EPHA6: variants seen among roughly 807,000 people sequenced by gnomAD.
The protein encoded by EPHA6 is EPH receptor A6.
Under a neutral mutation model 112.0 loss-of-function variants are expected in EPHA6, and 50 were observed. The ratio of observed to expected loss-of-function variants is 0.45; its 90% CI spans 0.36 to 0.56. The LOEUF is 0.56. EPHA6 is among the 20% of genes least tolerant of loss of function. The probability of loss-of-function intolerance (pLI) is 0.00; values close to 1 mark genes in which losing one functional copy is unlikely to be tolerated. For missense variants in EPHA6, 1,280 were observed against 1,417.4 expected, an observed-to-expected ratio of 0.90 and a Z score of 1.56; for synonymous variants, 529 against 490.7, an observed-to-expected ratio of 1.08 and a Z score of -1.03.
intron 7 of EPHA6, among the ~76,000 whole-genome samples, chr3:97,470,877 A>T (rs999671214): frequency 6.6e-6 from 1 of 151,718 alleles, no homozygotes; most frequent in Non-Finnish European, 1.5e-5. Flanking sequence ...TAAACAAAGG[A>T]TCATTTCCAA....
At chr3:97,341,927 G>T (rs1299703446) in intron 5 of EPHA6, among the ~76,000 whole-genome samples, 1 of 152,150 alleles carries the variant, frequency 6.6e-6, no homozygotes, top group East Asian at 1.9e-4. Flanking sequence ...AAAGACAATT[G>T]TGAAGAATGA....
chr3:97,212,453 A>G lies in EPHA6; in HGVS notation c.1115-13811A>G, dbSNP rs112497344. Among the ~76,000 whole-genome samples, 583 of 152,318 alleles carry G rather than the reference A, an allele frequency of 3.8e-3. 4 individuals are homozygous for G. The highest frequency in any genetic ancestry group is 0.013 in the African/African-American group (531 of 41,586). ...ACCAGATTATATTCAAAATGGTAAT[A>G]AAAATTTAGCCTAATCCTAAAAACT... On this transcript the variant is annotated intron_variant, in intron 3 of 17. Coordinates refer to ENST00000389672, the MANE Select transcript of EPHA6 (RefSeq NM_001080448.3).
intron 9 of EPHA6, among the ~76,000 whole-genome samples, chr3:97,480,967 G>C (rs1385469977): frequency 1.3e-5 from 2 of 152,012 alleles, no homozygotes; most frequent in Non-Finnish European, 2.9e-5. Flanking sequence ...TGGCGGCCGG[G>C]AAGAGGCGCT....
rs149911407 is a variant in EPHA6 at position 97,589,742 on chromosome 3, C to T, written c.2387-2870C>T. 3.3e-3 allele frequency among the ~76,000 whole-genome samples: 505 copies of T among 152,088 alleles called. 3 individuals are homozygous for T. Among genetic ancestry groups the T allele is most frequent in the African/African-American group, 0.011 (441 of 41,504 alleles). On this transcript the variant is annotated intron_variant, in intron 11 of 17. Transcript: ENST00000389672. ...CACATTTTGTATCTTGAACTTGTAA[C>T]GGCTAGAGGAATACTCTTATTACAT...
intron 3 of EPHA6, among the ~76,000 whole-genome samples, chr3:97,177,575 T>C (rs1398104094): frequency 6.6e-6 from 1 of 151,954 alleles, no homozygotes; most frequent in Non-Finnish European, 1.5e-5. Context: ...GGTTCATATA[T>C]GTTTACAATT....
intron 16 of EPHA6, among the ~76,000 whole-genome samples, chr3:97,742,794 GT>G (rs1217200789): frequency 6.6e-6 from 1 of 152,102 alleles, no homozygotes; most frequent in African/African-American, 2.4e-5. Context: ...CACATTGAAT[GT>G]TAGGCTTAAT....
intron 1 of EPHA6, among the ~76,000 whole-genome samples, chr3:96,841,899 G>A (rs1329555972): frequency 6.6e-6 from 1 of 152,114 alleles, no homozygotes; most frequent in African/African-American, 2.4e-5. Flanking sequence ...CATGAAAACA[G>A]TAAAGCTGCT....
At chr3:96,929,645 C>A (rs1463920909) in intron 2 of EPHA6, among the ~76,000 whole-genome samples, 1 of 152,140 alleles carries the variant, frequency 6.6e-6, no homozygotes, top group African/African-American at 2.4e-5. Context: ...TTCTTTCTGG[C>A]TGCTCTTAAC....
chr3:97,362,379 TAAAGA>T (rs2084420172), intron 5 of EPHA6, among the ~76,000 whole-genome samples: 1 of 152,112 alleles, frequency 6.6e-6, no homozygotes, highest in Non-Finnish European at 1.5e-5. Flanking sequence ...TCTTTATTAT[TAAAGA>T]TAAAACACCT....
chr3:97,550,570 A>G (rs1272410692), intron 11 of EPHA6, among the ~76,000 whole-genome samples: 2 of 152,208 alleles, frequency 1.3e-5, no homozygotes, highest in African/African-American at 4.8e-5. Context: ...GCAACCAAGG[A>G]AAACACTGGG....
At chr3:97,560,570 G>A (rs1295199169) in intron 11 of EPHA6, 1 of 152,006 alleles carries the variant, frequency 6.6e-6, no homozygotes, top group East Asian at 1.9e-4. Flanking sequence ...GAAAATTGGA[G>A]TGAACAGCTT....
chr3:97,708,047 C>CT (rs1326968832), intron 14 of EPHA6, among the ~76,000 whole-genome samples: 1 of 152,076 alleles, frequency 6.6e-6, no homozygotes. Context: ...TGGGGTACTG[C>CT]TATAAAGATA....
chr3:97,647,048 C>T (rs1423010439), intron 14 of EPHA6, among the ~76,000 whole-genome samples: 3 of 152,148 alleles, frequency 2.0e-5, no homozygotes, highest in East Asian at 1.9e-4. Flanking sequence ...GCAGTTCCTT[C>T]GTAACTCAAG....
At chr3:97,388,747 A>C (rs936998916) in intron 5 of EPHA6, among the ~76,000 whole-genome samples, 1 of 152,164 alleles carries the variant, frequency 6.6e-6, no homozygotes, top group Non-Finnish European at 1.5e-5. Flanking sequence ...TTGGGGGAAA[A>C]AGATCCTCAT....
intron 3 of EPHA6, among the ~76,000 whole-genome samples, chr3:97,097,479 C>T (rs755953201): frequency 6.6e-6 from 1 of 151,308 alleles, no homozygotes; most frequent in Non-Finnish European, 1.5e-5. Flanking sequence ...ATGGGAAAAA[C>T]ATATTGTGAA....
chr3:97,252,434 C>T (rs904965863), intron 5 of EPHA6, among the ~76,000 whole-genome samples: 15 of 152,112 alleles, frequency 9.9e-5, no homozygotes, highest in African/African-American at 2.4e-4. Context: ...CACACACGCG[C>T]GCGCACGCAC....
rs150580292 is a variant in EPHA6 at position 97,380,309 on chromosome 3, T to C, written c.1607-24841T>C. 4.6e-4 allele frequency among the ~76,000 whole-genome samples: 70 copies of C among 152,324 alleles called. No individual in the cohort carries two copies. The East Asian group carries it at 0.012, about 26-fold the overall frequency. On this transcript the variant is annotated intron_variant, in intron 5 of 17. Transcript: ENST00000389672. ...TGAAAAAAGAAAAGATAATCAGATCTATACTCGGGTAGAATAAAAACTAAA... is the reference window on the plus strand; with the variant it reads ...TGAAAAAAGAAAAGATAATCAGATCCATACTCGGGTAGAATAAAAACTAAA...
chr3:97,122,905 T>G (rs897831999), intron 3 of EPHA6, among the ~76,000 whole-genome samples: 3 of 152,024 alleles, frequency 2.0e-5, no homozygotes, highest in Non-Finnish European at 4.4e-5. Flanking sequence ...ATGAGGTTAT[T>G]TAATGTTGGA....
chr3:97,365,390 TAAAG>T (rs1419720055), intron 5 of EPHA6, among the ~76,000 whole-genome samples: 2 of 151,936 alleles, frequency 1.3e-5, no homozygotes, highest in Admixed American at 6.6e-5. Context: ...GGAAAAATCA[TAAAG>T]ACTTTTTTTT....
Sources: gnomAD v4.1 joint callset for allele counts (sites outside exome capture counted in the v4.1 genomes callset) on GRCh38, gnomAD v4.1.1 for gene constraint, MANE v1.5 for transcripts, NCBI Gene and HGNC (gene_info 2026-07-23, HGNC 2026-07-21) for gene names.